PARN: variants seen among roughly 807,000 people sequenced by gnomAD.
PARN encodes the protein poly(A)-specific ribonuclease, also known as poly(A)-specific ribonuclease PARN.
A neutral mutation model predicts 102.8 loss-of-function variants in PARN; 71 were observed. That is an observed-to-expected ratio of 0.69 (90% confidence interval 0.57 to 0.84). The LOEUF is 0.84. Among genes scored for constraint, PARN ranks in the 40% least tolerant of loss-of-function variants. The pLI, the probability that PARN is intolerant of heterozygous loss-of-function variation, is 0.00. For missense variants in PARN, 782 were observed against 760.9 expected, an observed-to-expected ratio of 1.03 and a Z score of -0.33; for synonymous variants, 261 against 252.9, an observed-to-expected ratio of 1.03 and a Z score of -0.30.
At chr16:14,616,631 C>T (rs1971920972) in intron 6 of PARN, among the ~76,000 whole-genome samples, 1 of 152,028 alleles carries the variant, frequency 6.6e-6, no homozygotes, top group South Asian at 2.1e-4. Flanking sequence ...GTAGTTCCAG[C>T]TACTTGGGAG....
At chr16:14,484,369 G>A (rs140490950) in intron 21 of PARN, among the ~76,000 whole-genome samples, 4 of 152,268 alleles carry the variant, frequency 2.6e-5, no homozygotes, top group East Asian at 3.9e-4. Flanking sequence ...AGGCATATGC[G>A]TTCCTAGCCC....
intron 21 of PARN, among the ~76,000 whole-genome samples, chr16:14,489,233 A>G (rs1963919401): frequency 2.0e-5 from 3 of 152,122 alleles, no homozygotes; most frequent in Non-Finnish European, 4.4e-5. Context: ...GGTAGATGTA[A>G]TTTATTAGTA....
intron 21 of PARN, among the ~76,000 whole-genome samples, chr16:14,486,828 G>GTAGCA (rs1405233289): frequency 1.3e-5 from 2 of 152,370 alleles, no homozygotes; most frequent in East Asian, 3.9e-4. Context: ...GAAGCAGCAT[G>GTAGCA]TAGCAGGCTG....
intron 22 of PARN, among the ~76,000 whole-genome samples, chr16:14,468,670 G>C (rs1962517371): frequency 6.6e-6 from 1 of 152,112 alleles, no homozygotes; most frequent in Non-Finnish European, 1.5e-5. Flanking sequence ...TATTGGAAAT[G>C]TACACAAGTT....
chr16:14,501,828 A>T (rs1482374101), intron 21 of PARN: 2 of 152,294 alleles, frequency 1.3e-5, no homozygotes, highest in East Asian at 3.9e-4. Context: ...TGAAAATCAC[A>T]GACAAGGCAC....
At chr16:14,487,865 C>T (rs1167124158) in intron 21 of PARN, among the ~76,000 whole-genome samples, 1 of 152,056 alleles carries the variant, frequency 6.6e-6, no homozygotes, top group East Asian at 1.9e-4. Context: ...AACTGTACAC[C>T]AAAGACGGTC....
intron 21 of PARN, among the ~76,000 whole-genome samples, chr16:14,522,581 TG>T (rs1254289635): frequency 6.6e-6 from 1 of 152,092 alleles, no homozygotes; most frequent in Non-Finnish European, 1.5e-5. Context: ...AAGAGTGGGC[TG>T]GGGCAGCCCT....
chr16:14,589,215 A>C (rs1201147777), intron 13 of PARN, among the ~76,000 whole-genome samples: 1 of 151,814 alleles, frequency 6.6e-6, no homozygotes, highest in African/African-American at 2.4e-5. Context: ...TAAATAATAA[A>C]GGTCAAAAAG....
chr16:14,530,975 T>TC (rs2042550525), intron 21 of PARN, among the ~76,000 whole-genome samples: 30 of 151,492 alleles, frequency 2.0e-4, no homozygotes, highest in Admixed American at 4.6e-4. Flanking sequence ...ATTCATTCAT[T>TC]CATCCATCCA....
At chr16:14,464,316 C>T (rs997701393) in intron 22 of PARN, among the ~76,000 whole-genome samples, 24 of 152,004 alleles carry the variant, frequency 1.6e-4, no homozygotes, top group Non-Finnish European at 7.4e-5. Flanking sequence ...AGTTGTATTA[C>T]ATACAGAGAA....
At chr16:14,624,257 T>C (rs1043225217) in intron 5 of PARN, among the ~76,000 whole-genome samples, 1 of 152,244 alleles carries the variant, frequency 6.6e-6, no homozygotes, top group African/African-American at 2.4e-5. Flanking sequence ...CAGAAACTAA[T>C]GCCCTTGTAT....
chr16:14,558,839 G>C (rs552885174), intron 18 of PARN, among the ~76,000 whole-genome samples: 1 of 151,938 alleles, frequency 6.6e-6, no homozygotes, highest in Non-Finnish European at 1.5e-5. Context: ...ACAGCTTTGG[G>C]AAACTTTGAG....
chr16:14,493,032 C>T (rs1964136638), intron 21 of PARN, among the ~76,000 whole-genome samples: 1 of 152,054 alleles, frequency 6.6e-6, no homozygotes, highest in Admixed American at 6.6e-5. Context: ...AGAACTTTGC[C>T]AAAGCCAATA....
chr16:14,625,221 A>G (rs905490344), intron 5 of PARN, among the ~76,000 whole-genome samples: 2 of 151,638 alleles, frequency 1.3e-5, no homozygotes, highest in Admixed American at 6.6e-5. Flanking sequence ...AAACAAAACA[A>G]AACTGTAAGG....
chr16:14,613,397 G>A (rs1358035054), intron 6 of PARN, among the ~76,000 whole-genome samples: 5 of 151,764 alleles, frequency 3.3e-5, no homozygotes, highest in Admixed American at 2.0e-4. Flanking sequence ...TGAGGAGGGC[G>A]CATCACTTAA....
At chr16:14,592,190 AG>A (rs1434104719) in intron 13 of PARN, 1 of 152,260 alleles carries the variant, frequency 6.6e-6, no homozygotes, top group African/African-American at 2.4e-5. Flanking sequence ...TGGGATGAGG[AG>A]AAAGAAGTGG....
At chr16:14,527,234 C>A (rs1966057213) in intron 21 of PARN, among the ~76,000 whole-genome samples, 1 of 152,184 alleles carries the variant, frequency 6.6e-6, no homozygotes, top group South Asian at 2.1e-4. Context: ...GCCAGTTTTA[C>A]CTGACGACAT....
intron 23 of PARN, among the ~76,000 whole-genome samples, chr16:14,439,994 G>A (rs1224801652): frequency 6.6e-6 from 1 of 152,032 alleles, no homozygotes; most frequent in Non-Finnish European, 1.5e-5. Flanking sequence ...CAGTCTGGGC[G>A]ACAAAGCAAG....
chr16:14,454,334 G>T (rs1327030589), intron 22 of PARN, among the ~76,000 whole-genome samples: 1 of 152,160 alleles, frequency 6.6e-6, no homozygotes, highest in African/African-American at 2.4e-5. Context: ...AAAAGGAAAA[G>T]AAATTTTTTT....
Sources: allele counts gnomAD v4.1 joint callset (sites outside exome capture counted in the v4.1 genomes callset), GRCh38; gene constraint gnomAD v4.1.1; transcripts MANE v1.5; gene names NCBI Gene and HGNC (gene_info 2026-07-23, HGNC 2026-07-21).